The following SLC9A7 variants were observed in gnomAD, a reference collection of about 807,000 sequenced individuals.
The protein encoded by SLC9A7 is sodium/hydrogen exchanger 7.
In SLC9A7, 19 loss-of-function variants were observed where a neutral mutation model predicts 52.6. The observed-to-expected ratio is 0.36, with a 90% CI of 0.25 to 0.53. The LOEUF (loss-of-function observed/expected upper bound fraction) is 0.53. Ranked by LOEUF, SLC9A7 falls within the 20% of genes least tolerant of loss-of-function variation. SLC9A7 has a pLI of 0.91. For missense variants in SLC9A7, 455 were observed against 597.9 expected, an observed-to-expected ratio of 0.76 and a Z score of 2.49; for synonymous variants, 226 against 252.1, an observed-to-expected ratio of 0.90 and a Z score of 0.98.
chrX:46,643,363 A>T lies in SLC9A7; in HGVS notation c.1489T>A (p.Leu497Met). The change falls in exon 12 of 17, where the codon TTG (leucine) becomes ATG (methionine). Residue 497 changes from leucine (L) to methionine (M), a missense_variant. This residue lies in a region of SLC9A7 where 304 missense variants were observed against 417.8 expected (regional missense o/e 0.73). Coordinates refer to ENST00000616978, the MANE Select transcript of SLC9A7 (RefSeq NM_001257291.2). ...TAGGATGCCGTGTCACGGATGGCCA[A>T]CGCAAATGCCATTGCTCCCCTGAGG... ...SGLRGAMAFA[L>M]AIRDTASYAR... 8.3e-7 allele frequency: 1 copy of T among 1,210,969 alleles called. No homozygotes were observed. The highest frequency in any genetic ancestry group is 1.1e-6 in the Non-Finnish European group (1 of 894,818).
chrX:46,723,368 C>G (rs1425503203), intron 1 of SLC9A7, among the ~76,000 whole-genome samples: 2 of 107,027 alleles, frequency 1.9e-5, no homozygotes, highest in Non-Finnish European at 3.9e-5. Flanking sequence ...AGCAAAAACA[C>G]CACCACAAAG....
intron 1 of SLC9A7, among the ~76,000 whole-genome samples, chrX:46,748,567 A>G (rs778326618): frequency 3.3e-4 from 5 of 15,189 alleles, no homozygotes. Flanking sequence ...GTGTGCGTGT[A>G]CACACACACA....
At chrX:46,631,306 A>G (rs1276396584) in intron 14 of SLC9A7, among the ~76,000 whole-genome samples, 4 of 111,890 alleles carry the variant, frequency 3.6e-5, no homozygotes, top group African/African-American at 9.7e-5. Flanking sequence ...ACCAATATCC[A>G]CTATTGAAAA....
At chrX:46,607,623 T>G (rs936395864) in intron 16 of SLC9A7, among the ~76,000 whole-genome samples, 8 of 110,996 alleles carry the variant, frequency 7.2e-5, no homozygotes, top group East Asian at 2.8e-4. Flanking sequence ...CAACCCGTCT[T>G]GTTTACATTG....
At chrX:46,672,483 T>C (rs1944040390) in intron 4 of SLC9A7, 68 bp downstream of exon 4, 1 of 827,195 alleles carries the variant, frequency 1.2e-6, no homozygotes, top group Admixed American at 2.3e-5. Context: ...CTGGACTCTG[T>C]GGACCCAAAT....
intron 7 of SLC9A7, among the ~76,000 whole-genome samples, chrX:46,660,537 A>G (rs1943795582): frequency 9.0e-6 from 1 of 110,644 alleles, no homozygotes; most frequent in South Asian, 4.0e-4. Flanking sequence ...AAAAACAAAC[A>G]ACCCCATCAA....
At chrX:46,748,847 T>TA (rs1186329253) in intron 1 of SLC9A7, among the ~76,000 whole-genome samples, 2 of 109,585 alleles carry the variant, frequency 1.8e-5, no homozygotes, top group Non-Finnish European at 3.8e-5. Flanking sequence ...TTTGGGGCAA[T>TA]AAAAAATCTT....
At chrX:46,617,527 G>A (rs1020261479) in intron 15 of SLC9A7, among the ~76,000 whole-genome samples, 6 of 111,535 alleles carry the variant, frequency 5.4e-5, no homozygotes, top group African/African-American at 2.0e-4. Context: ...ACTTTCTTTA[G>A]GTATCTGTGG....
chrX:46,717,493 C>T (rs773592179), intron 1 of SLC9A7, among the ~76,000 whole-genome samples: 116 of 111,412 alleles, frequency 1.0e-3, no homozygotes, highest in African/African-American at 3.5e-3. Flanking sequence ...GATTCTCCTG[C>T]CTCAGCCTCC....
At chrX:46,640,868 A>C (rs1254392401) in intron 12 of SLC9A7, among the ~76,000 whole-genome samples, 3 of 112,463 alleles carry the variant, frequency 2.7e-5, no homozygotes, top group African/African-American at 9.7e-5. Context: ...AGCTGAAATG[A>C]AATACCCTGA....
intron 7 of SLC9A7, among the ~76,000 whole-genome samples, chrX:46,654,592 G>A (rs1473549461): frequency 9.0e-6 from 1 of 110,881 alleles, no homozygotes; most frequent in Admixed American, 9.6e-5. Flanking sequence ...GGTTCCAGCA[G>A]GGCTGTGAAG....
intron 15 of SLC9A7, among the ~76,000 whole-genome samples, chrX:46,619,960 T>C (rs1261262627): frequency 8.9e-6 from 1 of 111,968 alleles, no homozygotes; most frequent in Admixed American, 9.5e-5. Context: ...TCTTGATTCG[T>C]TTGGTGTTAA....
chrX:46,638,971 C>T (rs1943362665), intron 12 of SLC9A7, among the ~76,000 whole-genome samples: 1 of 112,488 alleles, frequency 8.9e-6, no homozygotes, highest in Non-Finnish European at 1.9e-5. Context: ...AAAATGTTTG[C>T]TCATATAATT....
At chrX:46,677,430 T>G (rs1200366666) in intron 3 of SLC9A7, among the ~76,000 whole-genome samples, 1 of 112,153 alleles carries the variant, frequency 8.9e-6, no homozygotes, top group Non-Finnish European at 1.9e-5. Flanking sequence ...TACCAGGGAC[T>G]TAGGATCATA....
intron 14 of SLC9A7, among the ~76,000 whole-genome samples, chrX:46,623,457 T>C (rs934464090): frequency 2.7e-5 from 3 of 111,405 alleles, no homozygotes; most frequent in African/African-American, 9.8e-5. Flanking sequence ...CCAGAACACC[T>C]ACCCGGCCAA....
intron 5 of SLC9A7, among the ~76,000 whole-genome samples, chrX:46,663,436 C>G (rs1225794520): frequency 9.8e-6 from 1 of 101,703 alleles, no homozygotes; most frequent in Non-Finnish European, 2.0e-5. Context: ...GTCAGGAGTT[C>G]GACACAAGCC....
chrX:46,701,819 TTAATA>T (rs1944536644), intron 1 of SLC9A7, among the ~76,000 whole-genome samples: 1 of 111,019 alleles, frequency 9.0e-6, no homozygotes, highest in South Asian at 3.8e-4. Context: ...TTTTGTATAT[TTAATA>T]TATTTTACAA....
chrX:46,687,040 G>C (rs1364610472), intron 1 of SLC9A7, among the ~76,000 whole-genome samples: 1 of 111,958 alleles, frequency 8.9e-6, no homozygotes, highest in Non-Finnish European at 1.9e-5. Context: ...ATAATCATGA[G>C]AGCAACGTGT....
Position 46,725,479 on chromosome X carries a change from T to G in SLC9A7, c.325+33226A>C, listed in dbSNP as rs1569523889. 9 of 1,025,482 alleles carry G rather than the reference T, an allele frequency of 8.8e-6. No homozygotes were observed. The East Asian group carries it at 2.7e-4, about 31-fold the overall frequency. The allele number at this position is 1,025,482 out of a possible 1,213,427, so 84.5% of individuals were successfully genotyped here. On this transcript the variant is annotated intron_variant, in intron 1 of 16. Transcript: ENST00000616978. Reference sequence around the variant, plus strand: ...TGCTTGTGTGCCTTCTTCATTTCCTTTACTCCCAGTTTCATAGCATCAACC... The same window carrying G: ...TGCTTGTGTGCCTTCTTCATTTCCTGTACTCCCAGTTTCATAGCATCAACC...
Sources: allele counts gnomAD v4.1 joint callset (sites outside exome capture counted in the v4.1 genomes callset), GRCh38; gene constraint gnomAD v4.1.1; regional missense constraint gnomAD v4.1.1; transcripts MANE v1.5; gene names NCBI Gene and HGNC (gene_info 2026-07-23, HGNC 2026-07-21).